CIMAP3: variants seen among roughly 807,000 people sequenced by gnomAD.
CIMAP3 encodes ciliary microtubule associated protein 3, also known as ciliary microtubule-associated protein 3.
the CIMAP3 span, among the ~76,000 whole-genome samples, chr1:111,325,389 C>T: frequency 1.6e-4 from 24 of 152,086 alleles, no homozygotes; most frequent in Middle Eastern, 6.3e-3. Context: ...ATTTCAAAGC[C>T]TTTATTCATT....
At chr1:111,328,861 T>A in the CIMAP3 span, among the ~76,000 whole-genome samples, 1 of 152,232 alleles carries the variant, frequency 6.6e-6, no homozygotes, top group Non-Finnish European at 1.5e-5. Flanking sequence ...AAGGTTCATA[T>A]TAATATGTGT....
the CIMAP3 span, among the ~76,000 whole-genome samples, chr1:111,343,297 T>A: frequency 6.6e-6 from 1 of 152,178 alleles, no homozygotes; most frequent in Non-Finnish European, 1.5e-5. Context: ...AATCTACTTA[T>A]CCTCATTAAA....
chr1:111,337,505 C>T, the CIMAP3 span, among the ~76,000 whole-genome samples: 4 of 152,030 alleles, frequency 2.6e-5, no homozygotes, highest in South Asian at 8.3e-4. Flanking sequence ...GGAGGAAGAT[C>T]TACCAAGCCA....
chr1:111,348,480 C>T, the CIMAP3 span: 2 of 1,556,212 alleles, frequency 1.3e-6, no homozygotes, highest in Non-Finnish European at 1.7e-6. Context: ...ATATACATAT[C>T]ACTCTGTAAC....
the CIMAP3 span, among the ~76,000 whole-genome samples, chr1:111,326,484 T>A: frequency 2.6e-5 from 4 of 152,282 alleles, no homozygotes; most frequent in South Asian, 8.3e-4. Context: ...ATTTCACTCT[T>A]TTTTTATAAC....
At chr1:111,328,722 A>G in the CIMAP3 span, among the ~76,000 whole-genome samples, 2 of 152,048 alleles carry the variant, frequency 1.3e-5, no homozygotes, top group Non-Finnish European at 2.9e-5. Flanking sequence ...ACATCCCTCT[A>G]TTTTCAGCCT....
chr1:111,346,686 C>G, the CIMAP3 span: 2 of 1,612,658 alleles, frequency 1.2e-6, no homozygotes, highest in Admixed American at 1.7e-5. Flanking sequence ...GGAGGGCTGC[C>G]GAGAAGCCTA....
chr1:111,342,369 C>T, the CIMAP3 span, among the ~76,000 whole-genome samples: 1 of 152,222 alleles, frequency 6.6e-6, no homozygotes, highest in Non-Finnish European at 1.5e-5. Context: ...AACTTTCAGG[C>T]CTTGCCTTCC....
the CIMAP3 span, chr1:111,351,220 C>T: frequency 4.3e-5 from 51 of 1,174,578 alleles, no homozygotes; most frequent in Non-Finnish European, 6.3e-5. Flanking sequence ...AGAGGGTTCT[C>T]ATTAGAATAT....
chr1:111,347,047 G>A, the CIMAP3 span: 1 of 1,610,870 alleles, frequency 6.2e-7, no homozygotes, highest in Non-Finnish European at 8.5e-7. Flanking sequence ...TTATTTTTCA[G>A]ATGTGAGTAT....
At chr1:111,351,431 C>A in the CIMAP3 span, 1 of 1,008,628 alleles carries the variant, frequency 9.9e-7, no homozygotes, top group Non-Finnish European at 1.4e-6. Flanking sequence ...TCTTGTCTGG[C>A]AGCCTGGAGC....
the CIMAP3 span, among the ~76,000 whole-genome samples, chr1:111,342,705 G>A: frequency 5.3e-5 from 8 of 152,180 alleles, no homozygotes; most frequent in Non-Finnish European, 1.2e-4. Context: ...GGTTAAGGCA[G>A]GGGCAGATCT....
chr1:111,344,110 T>C, the CIMAP3 span, among the ~76,000 whole-genome samples: 1 of 152,184 alleles, frequency 6.6e-6, no homozygotes, highest in African/African-American at 2.4e-5. Flanking sequence ...GCCAAACATT[T>C]TGCATGAAAA....
the CIMAP3 span, chr1:111,349,988 A>T: frequency 2.8e-4 from 193 of 697,384 alleles, 3 homozygotes; most frequent in East Asian, 4.0e-3. Flanking sequence ...TAAAAAGCTA[A>T]TCAATCTGTT....
At chr1:111,347,619 TTTC>T in the CIMAP3 span, 1,614 of 1,037,516 alleles carry the variant, frequency 1.6e-3, 13 homozygotes, top group South Asian at 2.8e-3. Context: ...TTGTTTTTTC[TTTC>T]TTTTTTTTTT....
the CIMAP3 span, among the ~76,000 whole-genome samples, chr1:111,337,850 T>C: frequency 2.8e-4 from 43 of 151,932 alleles, no homozygotes; most frequent in Admixed American, 1.2e-3. Flanking sequence ...GCTGACCTAA[T>C]AGACATCTAC....
the CIMAP3 span, chr1:111,346,994 A>C: frequency 3.1e-6 from 5 of 1,613,884 alleles, no homozygotes; most frequent in East Asian, 1.1e-4. Context: ...ATTGGGAACA[A>C]GTTTGTCCCT....
At chr1:111,327,372 A>C in the CIMAP3 span, among the ~76,000 whole-genome samples, 1 of 152,078 alleles carries the variant, frequency 6.6e-6, no homozygotes, top group Non-Finnish European at 1.5e-5. Context: ...GCCTCATAGA[A>C]TGGGTTGGGG....
At chr1:111,347,641 G>GTTTTTTTTTTTTTTTT in the CIMAP3 span, 1 of 1,071,200 alleles carries the variant, frequency 9.3e-7, no homozygotes, top group Non-Finnish European at 1.3e-6. Flanking sequence ...TTTTTTTGGT[G>GTTTTTTTTTTTTTTTT]TTTTTGTTTG....
Sources: allele counts gnomAD v4.1 joint callset (sites outside exome capture counted in the v4.1 genomes callset), GRCh38; gene constraint gnomAD v4.1.1; transcripts MANE v1.5; gene names NCBI Gene and HGNC (gene_info 2026-07-23, HGNC 2026-07-21).